The following EBF3 variants were observed in gnomAD, a reference collection of about 807,000 sequenced individuals.
The protein encoded by EBF3 is transcription factor COE3.
Under a neutral mutation model 77.1 loss-of-function variants are expected in EBF3, and 18 were observed. The ratio of observed to expected loss-of-function variants is 0.23; its 90% CI spans 0.16 to 0.35. EBF3 has a LOEUF of 0.35. EBF3 is among the 10% of genes least tolerant of loss of function. The pLI is 1.00. For missense variants in EBF3, 558 were observed against 860.0 expected, an observed-to-expected ratio of 0.65 and a Z score of 4.39; for synonymous variants, 350 against 343.5, an observed-to-expected ratio of 1.02 and a Z score of -0.21.
intron 6 of EBF3, among the ~76,000 whole-genome samples, chr10:129,926,580 C>T (rs1856689157): frequency 6.6e-6 from 1 of 152,178 alleles, no homozygotes; most frequent in African/African-American, 2.4e-5. Flanking sequence ...GGGGTGGAGA[C>T]AGCCTGTGGC....
chr10:129,887,208 C>T (rs1166437034), intron 6 of EBF3, among the ~76,000 whole-genome samples: 4 of 152,256 alleles, frequency 2.6e-5, no homozygotes, highest in African/African-American at 9.6e-5. Context: ...CTCGGCCCAA[C>T]TTTGCACGTC....
intron 6 of EBF3, among the ~76,000 whole-genome samples, chr10:129,892,161 G>A (rs1471968456): frequency 6.6e-6 from 1 of 152,160 alleles, no homozygotes; most frequent in Non-Finnish European, 1.5e-5. Flanking sequence ...TCTCTCCCCG[G>A]GTCCCAGGCT....
chr10:129,918,431 G>C (rs1051628289), intron 6 of EBF3, among the ~76,000 whole-genome samples: 1 of 152,198 alleles, frequency 6.6e-6, no homozygotes. Context: ...AAAAAAATTA[G>C]ATCTGGAGGA....
At position 129,862,826 on chromosome 10, in the gene EBF3, C is replaced by A. The variant is rs185431501; in HGVS notation, c.1039+4315G>T. 2.9e-3 allele frequency among the ~76,000 whole-genome samples: 448 copies of A among 152,258 alleles called. 3 individuals carry two copies. The highest frequency in any genetic ancestry group is 0.01 in the African/African-American group (423 of 41,530). On this transcript the variant is annotated intron_variant, in intron 10 of 16. Coordinates refer to ENST00000440978, the MANE Select transcript of EBF3 (RefSeq NM_001375380.1). ...TTATATTCTAATTAAAAAATAATTT[C>A]TTTTATTACTCTTAACCATTTGATG...
intron 7 of EBF3, among the ~76,000 whole-genome samples, chr10:129,875,187 CTTTTTT>C (rs1193539598): frequency 4.0e-4 from 37 of 92,916 alleles, no homozygotes; most frequent in Non-Finnish European, 7.6e-4. Context: ...ATGGCTTCTT[CTTTTTT>C]TTTTTTTTTT....
intron 8 of EBF3, 37 bp downstream of exon 8, chr10:129,873,415 C>G (rs775740831): frequency 9.5e-6 from 14 of 1,478,282 alleles, no homozygotes; most frequent in Non-Finnish European, 1.3e-5. Flanking sequence ...GAAAAAGAAG[C>G]ATCGCAAATA....
chr10:129,859,041 G>A lies in EBF3; in HGVS notation c.1039+8100C>T, dbSNP rs139545290. On this transcript the variant is annotated intron_variant, in intron 10 of 16. Coordinates refer to ENST00000440978, the MANE Select transcript of EBF3 (RefSeq NM_001375380.1). ...CCCTTCGAGAGTGTGCCCTCTGCAC[G>A]CACTTAGGTTCCTTGTGAAGTCAAG... Among the ~76,000 whole-genome samples, 4 of 152,288 alleles carry A rather than the reference G, an allele frequency of 2.6e-5. No individual in the cohort carries two copies. In the East Asian group the frequency reaches 5.8e-4, roughly 22 times the overall value.
chr10:129,857,393 C>CT (rs1851325216), intron 10 of EBF3, among the ~76,000 whole-genome samples: 1 of 152,100 alleles, frequency 6.6e-6, no homozygotes, highest in South Asian at 2.1e-4. Flanking sequence ...AGCCCTGGGC[C>CT]TCCCCCCTCA....
rs898281741 is a variant in EBF3 at position 129,863,513 on chromosome 10, G to A, written c.1039+3628C>T. 2.6e-5 allele frequency among the ~76,000 whole-genome samples: 4 copies of A among 152,172 alleles called. No homozygotes were observed. Among genetic ancestry groups the A allele is most frequent in the Non-Finnish European group, 4.4e-5 (3 of 68,034 alleles). On this transcript the variant is annotated intron_variant, in intron 10 of 16. Coordinates refer to ENST00000440978, the MANE Select transcript of EBF3 (RefSeq NM_001375380.1). The surrounding 1 kb of genome is among the most constrained non-coding windows in gnomAD (Gnocchi z 4.0). ...AAGCCCCTCCCAGCCTCTGGCGGGC[G>A]GCCCCTCCTCTGAGCACAGGTTCAT... is the stretch of plus-strand genomic sequence containing the variant.
intron 6 of EBF3, among the ~76,000 whole-genome samples, chr10:129,886,235 G>C (rs1853577388): frequency 6.6e-6 from 1 of 152,102 alleles, no homozygotes; most frequent in Non-Finnish European, 1.5e-5. Flanking sequence ...CACCAGTGTT[G>C]GACCTGCCTA....
At chr10:129,894,121 T>A (rs1319704192) in intron 6 of EBF3, among the ~76,000 whole-genome samples, 1 of 152,186 alleles carries the variant, frequency 6.6e-6, no homozygotes, top group Non-Finnish European at 1.5e-5. Flanking sequence ...GAAATGAAAC[T>A]TTTATGATAT....
chr10:129,918,488 C>T (rs958646135), intron 6 of EBF3, among the ~76,000 whole-genome samples: 4 of 152,324 alleles, frequency 2.6e-5, no homozygotes, highest in East Asian at 3.9e-4. Context: ...GATCGGGGAG[C>T]GTTGAGAAAG....
At chr10:129,959,034 G>A in intron 4 of EBF3, 27 bp from the exon 5 acceptor site, 1 of 1,597,246 alleles carries the variant, frequency 6.3e-7, no homozygotes, top group Non-Finnish European at 8.5e-7. Context: ...CAGAGGCTGG[G>A]GTTACGCGGC....
intron 6 of EBF3, among the ~76,000 whole-genome samples, chr10:129,910,862 G>T (rs1275309149): frequency 6.6e-6 from 1 of 152,172 alleles, no homozygotes; most frequent in African/African-American, 2.4e-5. Context: ...GGTCCAAGGG[G>T]AGGGTTCCAA....
At chr10:129,884,786 A>G (rs1853456696) in intron 6 of EBF3, among the ~76,000 whole-genome samples, 1 of 152,150 alleles carries the variant, frequency 6.6e-6, no homozygotes, top group Non-Finnish European at 1.5e-5. Flanking sequence ...GAGGATTTGA[A>G]AATATCCACG....
intron 6 of EBF3, among the ~76,000 whole-genome samples, chr10:129,932,211 T>C (rs761772029): frequency 1.3e-5 from 2 of 152,224 alleles, no homozygotes; most frequent in Non-Finnish European, 2.9e-5. Context: ...AAGGTATTAT[T>C]GTTGCTTTCA....
At position 129,944,443 on chromosome 10, in the gene EBF3, T is replaced by C. The variant is rs1858028036; in HGVS notation, c.554+12815A>G. 6.6e-6 allele frequency among the ~76,000 whole-genome samples: 1 copy of C among 152,344 alleles called. No homozygotes were observed. The highest frequency in any genetic ancestry group is 6.5e-5 in the Admixed American group (1 of 15,302). On this transcript the variant is annotated intron_variant, in intron 6 of 16. Coordinates refer to ENST00000440978, the MANE Select transcript of EBF3 (RefSeq NM_001375380.1). This position sits in a 1 kb window ranked among gnomAD's most constrained non-coding sequence, Gnocchi z 5.1. ...TCTGATTTCAATTGGTGAGCAAACC[T>C]GCAGAAGTTTTTAATCATAAGGTAA...
rs1438820970 is a variant in EBF3 at position 129,938,263 on chromosome 10, G to A, written c.554+18995C>T. ...TTTTTTAAAGTTCATGGCGGGGCCG[G>A]GTGCAATGGCTCTCATCTATAGTCC... On this transcript the variant is annotated intron_variant, in intron 6 of 16. Coordinates refer to ENST00000440978, the MANE Select transcript of EBF3 (RefSeq NM_001375380.1). The surrounding 1 kb of genome is among the most constrained non-coding windows in gnomAD (Gnocchi z 5.1). Among the ~76,000 whole-genome samples, 3 of 152,084 alleles carry A rather than the reference G, an allele frequency of 2.0e-5. No homozygotes were observed. The highest frequency in any genetic ancestry group is 4.8e-5 in the African/African-American group (2 of 41,478).
intron 6 of EBF3, among the ~76,000 whole-genome samples, chr10:129,878,101 C>T (rs1852923527): frequency 2.6e-5 from 4 of 152,144 alleles, no homozygotes; most frequent in Admixed American, 6.5e-5. Context: ...ATAATAGCTG[C>T]GACTTTCGCA....
Sources: gnomAD v4.1 joint callset for allele counts (sites outside exome capture counted in the v4.1 genomes callset) on GRCh38, gnomAD v4.1.1 for gene constraint, Gnocchi (gnomAD v3.1) non-coding constraint, MANE v1.5 for transcripts, NCBI Gene and HGNC (gene_info 2026-07-23, HGNC 2026-07-21) for gene names.